Variants in TRPM1 observed in about 807,000 individuals in gnomAD.
TRPM1 encodes TRPM1-203 APA Isoform, Intron 10.
TRPM1 carries 113 observed loss-of-function variants against 149.4 expected under a neutral mutation model. The ratio of observed to expected loss-of-function variants is 0.76; its 90% confidence interval spans 0.65 to 0.88. The LOEUF is 0.88. Ranked by LOEUF, TRPM1 falls within the 40% of genes least tolerant of loss-of-function variation. TRPM1 has a pLI of 0.00. For synonymous variants in TRPM1, 741 were observed against 759.5 expected (o/e 0.98, Z 0.40); for missense variants, 1,976 against 2,038.7 (o/e 0.97, Z 0.59).
Position 31,002,396 on chromosome 15 carries a change from T to C in TRPM1, c.4304A>G (p.Tyr1435Cys), listed in dbSNP as rs761450924. The C allele has an allele frequency of 8.1e-6, 13 of 1,614,144 alleles. No individual in the cohort carries two copies. The Admixed American group carries it at 1.8e-4, about 23-fold the overall frequency. ...TGTAATTTTGGTTTCTTCCAGGGGA[T>C]AGGAAATAGTGCCTTCTATATTTGT... ...ETTNIEGTIS[Y>C]PLEETKITRY... Residue 1435 changes from tyrosine (Y) to cysteine (C), a missense_variant, in exon 28 of 28, where the codon TAT (tyrosine) becomes TGT (cysteine). This residue lies in a region of TRPM1 where 572 missense variants were observed against 578.9 expected (regional missense o/e 0.99). Transcript: ENST00000256552.
rs561921564 is a variant in TRPM1, at chr15:31,041,389, A to G, written c.2087+562T>C. 5.3e-5 allele frequency among the ~76,000 whole-genome samples: 8 copies of G among 152,202 alleles called. No homozygotes were observed. In the South Asian group the frequency reaches 1.7e-3, roughly 32 times the overall value. ...ATGGTCTCGATCTCCTGACCTTGTGATCCGCCCACCTCGGCCTCCCAAAGT... is the reference window on the plus strand; with the variant it reads ...ATGGTCTCGATCTCCTGACCTTGTGGTCCGCCCACCTCGGCCTCCCAAAGT... On this transcript the variant is annotated intron_variant, in intron 17 of 27. Coordinates refer to ENST00000256552, the MANE Select transcript of TRPM1 (RefSeq NM_001252024.2).
chr15:31,069,565 T>C, intron 4 of TRPM1: 1 of 1,210,228 alleles, frequency 8.3e-7, no homozygotes, highest in Non-Finnish European at 1.0e-6. Flanking sequence ...CAGAGGGCAC[T>C]CCCTGTTTAC....
In TRPM1 at chr15:31,139,211, C is replaced by G. The variant is rs115386952; in HGVS notation, c.54+21695G>C. ...AAAAAGGCAGGCATATCAGAAGGCA[C>G]AGTACTCAGATTTTTAGAAATTAGA... On this transcript the variant is annotated intron_variant, in intron 1 of 26. Transcript: ENST00000542188. Among the ~76,000 whole-genome samples, 361 of 152,268 alleles carry G rather than the reference C, an allele frequency of 2.4e-3. 3 individuals are homozygous for G. The highest frequency in any genetic ancestry group is 8.0e-3 in the African/African-American group (331 of 41,564).
At chr15:31,023,806 T>C (rs1222223977) in intron 27 of TRPM1, among the ~76,000 whole-genome samples, 1 of 152,218 alleles carries the variant, frequency 6.6e-6, no homozygotes, top group Non-Finnish European at 1.5e-5. Context: ...GACCCAGTGT[T>C]GTGTCAATCA....
rs1002287350 is a variant in TRPM1, at chr15:31,029,199, A to G, written c.3148+172T>C. Among the ~76,000 whole-genome samples the G allele has an allele frequency of 9.2e-5, 14 of 152,318 alleles. 3 individuals are homozygous for G. Among genetic ancestry groups the G allele is most frequent in the Admixed American group, 7.2e-4 (11 of 15,308 alleles). ...TCCCCTAAAAAAATAGGGTGATCCC[A>G]ACAGTGAATTTGTGGTTCTCTTTAC... On this transcript the variant is annotated intron_variant, in intron 24 of 27. Transcript: ENST00000256552.
chr15:31,108,738 T>C (rs1442153824), intron 1 of TRPM1, among the ~76,000 whole-genome samples: 3 of 152,228 alleles, frequency 2.0e-5, no homozygotes, highest in African/African-American at 7.2e-5. Context: ...AGGTGATCCA[T>C]CTGCCTTGGC....
chr15:31,103,890 A>G (rs1156586544), upstream of TRPM1, among the ~76,000 whole-genome samples: 1 of 151,902 alleles, frequency 6.6e-6, no homozygotes, highest in Non-Finnish European at 1.5e-5. Context: ...TCTGTGGCTC[A>G]CAGCTATGGC....
intron 1 of TRPM1, among the ~76,000 whole-genome samples, chr15:31,096,950 G>A (rs1458725359): frequency 2.0e-5 from 3 of 152,154 alleles, no homozygotes; most frequent in East Asian, 1.9e-4. Flanking sequence ...AGGGGTAGGC[G>A]GGTGAAACCC....
chr15:31,052,543 G>A (rs1335554730), intron 11 of TRPM1, among the ~76,000 whole-genome samples: 3 of 152,194 alleles, frequency 2.0e-5, no homozygotes, highest in Non-Finnish European at 2.9e-5. Context: ...GGGAGGCCGA[G>A]GCAGATGGAT....
intron 27 of TRPM1, among the ~76,000 whole-genome samples, chr15:31,022,067 C>T (rs1384045175): frequency 2.0e-5 from 3 of 152,162 alleles, no homozygotes; most frequent in Admixed American, 6.5e-5. Flanking sequence ...AAGGAAAACA[C>T]ACTGGATAAC....
At chr15:31,096,084 AAAAG>A (rs1258658886) in intron 1 of TRPM1, among the ~76,000 whole-genome samples, 4 of 148,810 alleles carry the variant, frequency 2.7e-5, no homozygotes, top group Non-Finnish European at 4.5e-5. Flanking sequence ...AAAAGAAAAG[AAAAG>A]AAAGAAGGAA....
At chr15:31,104,649 A>C (rs1052535026), upstream of TRPM1, among the ~76,000 whole-genome samples, 3 of 128,450 alleles carry the variant, frequency 2.3e-5, no homozygotes, top group Non-Finnish European at 4.6e-5. Context: ...GCTGGAGTGC[A>C]GTGGCGCCAT....
intron 1 of TRPM1, among the ~76,000 whole-genome samples, chr15:31,139,811 C>A (rs527849529): frequency 3.9e-5 from 6 of 152,202 alleles, no homozygotes; most frequent in African/African-American, 1.4e-4. Flanking sequence ...CTTTGTGTAA[C>A]CAGCAATGTA....
chr15:31,150,732 C>T (rs1243803091), intron 1 of TRPM1, among the ~76,000 whole-genome samples: 1 of 152,100 alleles, frequency 6.6e-6, no homozygotes, highest in East Asian at 1.9e-4. Context: ...CTGCACTTGG[C>T]GGTTGAATAC....
At chr15:31,155,156 C>A (rs2036351353) in intron 1 of TRPM1, among the ~76,000 whole-genome samples, 1 of 152,136 alleles carries the variant, frequency 6.6e-6, no homozygotes. Context: ...GTACATGAAA[C>A]TTCCCTGGGT....
Position 31,040,795 on chromosome 15 carries a change from G to T in TRPM1, c.2088-449C>A, listed in dbSNP as rs1424120836. ...AGGTGGACACTGAAAGGAGTCACAGGAGGGCTGGTGGGTGCCGGCTAGGTT... is the reference window on the plus strand; with the variant it reads ...AGGTGGACACTGAAAGGAGTCACAGTAGGGCTGGTGGGTGCCGGCTAGGTT... On this transcript the variant is annotated intron_variant, in intron 17 of 27. Coordinates refer to ENST00000256552, the MANE Select transcript of TRPM1 (RefSeq NM_001252024.2). This position sits in a 1 kb window ranked among gnomAD's most constrained non-coding sequence, Gnocchi z 4.2. 6.6e-6 allele frequency among the ~76,000 whole-genome samples: 1 copy of T among 152,188 alleles called. No individual in the cohort carries two copies. The highest frequency in any genetic ancestry group is 2.4e-5 in the African/African-American group (1 of 41,444).
chr15:31,085,555 C>T (rs949603665), intron 1 of TRPM1, among the ~76,000 whole-genome samples: 1 of 152,152 alleles, frequency 6.6e-6, no homozygotes, highest in Non-Finnish European at 1.5e-5. Flanking sequence ...TTGCAGTTGT[C>T]ATTACATGAT....
At position 31,141,568 on chromosome 15, in the gene TRPM1, T is replaced by C. The variant is rs181799573; in HGVS notation, c.54+19338A>G. Among the ~76,000 whole-genome samples, 175 of 152,332 alleles carry C rather than the reference T, an allele frequency of 1.1e-3. 1 individual carries two copies. The highest frequency in any genetic ancestry group is 4.1e-3 in the African/African-American group (170 of 41,580). On this transcript the variant is annotated intron_variant, in intron 1 of 26. Coordinates refer to the TRPM1 transcript ENST00000542188. ...GCAAAAAAATCTATAAATATAAGTG[T>C]GTATTTTTGATAGAAAAATGTTGAA...
chr15:31,127,440 A>G (rs2035965321), intron 1 of TRPM1, among the ~76,000 whole-genome samples: 1 of 152,244 alleles, frequency 6.6e-6, no homozygotes, highest in South Asian at 2.1e-4. Flanking sequence ...GGGGAATTCA[A>G]AACAAAGCCA....
Sources: gnomAD v4.1 joint callset for allele counts (sites outside exome capture counted in the v4.1 genomes callset) on GRCh38, gnomAD v4.1.1 for gene constraint, gnomAD v4.1.1 regional missense constraint, Gnocchi (gnomAD v3.1) non-coding constraint, MANE v1.5 for transcripts, NCBI Gene and HGNC (gene_info 2026-07-23, HGNC 2026-07-21) for gene names.